The following GALNT13 variants were observed in gnomAD, a reference collection of about 807,000 sequenced individuals.
GALNT13 encodes the protein polypeptide N-acetylgalactosaminyltransferase 13.
A neutral mutation model predicts 64.2 loss-of-function variants in GALNT13; 28 were observed. The observed-to-expected ratio is 0.44, with a 90% CI of 0.32 to 0.60. The LOEUF is 0.60. Among genes scored for constraint, GALNT13 ranks in the 20% least tolerant of loss-of-function variants. The pLI is 0.05. For synonymous variants in GALNT13, 214 were observed against 224.6 expected, an observed-to-expected ratio of 0.95 and a Z score of 0.42; for missense variants, 577 against 669.8, an observed-to-expected ratio of 0.86 and a Z score of 1.53.
the GALNT13 span, among the ~76,000 whole-genome samples, chr2:153,498,726 T>C: frequency 3.3e-5 from 5 of 152,200 alleles, no homozygotes. Context: ...CTGCCCTCCC[T>C]AAAGGGCCGC....
At chr2:153,938,535 G>C (rs1177006844) in intron 2 of GALNT13, among the ~76,000 whole-genome samples, 2 of 152,184 alleles carry the variant, frequency 1.3e-5, no homozygotes, top group Non-Finnish European at 2.9e-5. Context: ...TGGAGTATAG[G>C]AAAGTGAATT....
intron 9 of GALNT13, among the ~76,000 whole-genome samples, chr2:154,380,454 A>T (rs530559075): frequency 6.6e-6 from 1 of 152,052 alleles, no homozygotes; most frequent in African/African-American, 2.4e-5. Flanking sequence ...AATATTTCCA[A>T]AAGTTCAACT....
At chr2:153,120,762 T>C in the GALNT13 span, among the ~76,000 whole-genome samples, 1 of 151,972 alleles carries the variant, frequency 6.6e-6, no homozygotes, top group Non-Finnish European at 1.5e-5. Flanking sequence ...AGAGGAGGAG[T>C]GAGAGGGTCC....
intron 3 of GALNT13, among the ~76,000 whole-genome samples, chr2:154,111,346 T>TC (rs1356028449): frequency 3.3e-5 from 5 of 152,202 alleles, no homozygotes; most frequent in African/African-American, 1.2e-4. Context: ...GACACCCTGA[T>TC]AGATCTCCTA....
chr2:153,090,646 A>G, the GALNT13 span, among the ~76,000 whole-genome samples: 1 of 152,160 alleles, frequency 6.6e-6, no homozygotes, highest in Non-Finnish European at 1.5e-5. Context: ...AGCTTGCTCT[A>G]AGTTGGACAG....
At chr2:153,903,691 TA>T (rs1688379934) in intron 2 of GALNT13, among the ~76,000 whole-genome samples, 1 of 146,506 alleles carries the variant, frequency 6.8e-6, no homozygotes, top group African/African-American at 2.4e-5. Flanking sequence ...CAGCGAATTT[TA>T]AATAAAAGTT....
intron 3 of GALNT13, among the ~76,000 whole-genome samples, chr2:154,070,240 G>C (rs937548290): frequency 1.3e-5 from 2 of 152,040 alleles, no homozygotes; most frequent in African/African-American, 4.8e-5. Flanking sequence ...GGGAAAGAAA[G>C]AAATGGAAAA....
At chr2:154,029,621 T>C (rs1043144504) in intron 3 of GALNT13, among the ~76,000 whole-genome samples, 2 of 152,140 alleles carry the variant, frequency 1.3e-5, no homozygotes, top group Non-Finnish European at 2.9e-5. Flanking sequence ...CATTCTTTAA[T>C]GTCCTACGCA....
At chr2:153,875,216 C>A (rs1686276053) in intron 1 of GALNT13, among the ~76,000 whole-genome samples, 1 of 151,924 alleles carries the variant, frequency 6.6e-6, no homozygotes, top group Non-Finnish European at 1.5e-5. Flanking sequence ...AATAGAAATC[C>A]ATGGGCAGCA....
chr2:153,110,898 A>G, the GALNT13 span, among the ~76,000 whole-genome samples: 17 of 152,122 alleles, frequency 1.1e-4, no homozygotes, highest in Non-Finnish European at 2.4e-4. Context: ...TCTATTTCCT[A>G]AACAAGGTTC....
chr2:153,375,035 G>C, the GALNT13 span, among the ~76,000 whole-genome samples: 1 of 152,074 alleles, frequency 6.6e-6, no homozygotes, highest in Non-Finnish European at 1.5e-5. Flanking sequence ...TAGTGGATTT[G>C]ATATGTAGAA....
chr2:154,208,212 A>G (rs1264851488), intron 4 of GALNT13, among the ~76,000 whole-genome samples: 1 of 152,140 alleles, frequency 6.6e-6, no homozygotes, highest in East Asian at 1.9e-4. Context: ...TAAGTAATTA[A>G]CTTGTTCTTT....
At chr2:153,960,312 G>C (rs1046596008) in intron 3 of GALNT13, among the ~76,000 whole-genome samples, 1 of 152,158 alleles carries the variant, frequency 6.6e-6, no homozygotes, top group Non-Finnish European at 1.5e-5. Context: ...GTGCCAAGCT[G>C]ATGCAGGGCA....
the GALNT13 span, among the ~76,000 whole-genome samples, chr2:153,493,210 A>C: frequency 6.6e-6 from 1 of 152,112 alleles, no homozygotes; most frequent in South Asian, 2.1e-4. Context: ...AATAGAAAAA[A>C]TTAATGCAGA....
chr2:154,127,711 T>TACAC (rs1558973580), intron 3 of GALNT13, among the ~76,000 whole-genome samples: 6 of 146,282 alleles, frequency 4.1e-5, no homozygotes, highest in Non-Finnish European at 6.0e-5. Context: ...CACACACACG[T>TACAC]GTGTGTGTGT....
chr2:153,088,929 G>A, the GALNT13 span, among the ~76,000 whole-genome samples: 1 of 152,010 alleles, frequency 6.6e-6, no homozygotes, highest in African/African-American at 2.4e-5. Flanking sequence ...CATTCTGCCG[G>A]TGTGTATCTT....
chr2:153,882,106 G>A (rs1232624586), intron 1 of GALNT13, among the ~76,000 whole-genome samples: 2 of 151,384 alleles, frequency 1.3e-5, no homozygotes, highest in African/African-American at 4.9e-5. Context: ...ATTAAATGGA[G>A]GGATTAAAAG....
At chr2:153,268,297 T>C in the GALNT13 span, among the ~76,000 whole-genome samples, 1 of 152,214 alleles carries the variant, frequency 6.6e-6, no homozygotes, top group African/African-American at 2.4e-5. Context: ...GCTACAGGCC[T>C]CATGCATGTC....
the GALNT13 span, among the ~76,000 whole-genome samples, chr2:153,274,190 C>T: frequency 5.9e-5 from 9 of 152,028 alleles, 1 homozygote; most frequent in East Asian, 1.9e-4. Context: ...GCGACAAGAG[C>T]GAGACTTCAT....
Sources: gnomAD v4.1 joint callset for allele counts (sites outside exome capture counted in the v4.1 genomes callset) on GRCh38, gnomAD v4.1.1 for gene constraint, MANE v1.5 for transcripts, NCBI Gene and HGNC (gene_info 2026-07-23, HGNC 2026-07-21) for gene names.